Variants in EGLN1 observed in about 807,000 individuals in gnomAD.
The protein encoded by EGLN1 is egl nine homolog 1.
EGLN1 carries 17 observed loss-of-function variants against 38.3 expected under a neutral mutation model. That is an observed-to-expected ratio of 0.44 (90% CI 0.30 to 0.67). EGLN1 has a LOEUF of 0.67. Among genes scored for constraint, EGLN1 ranks in the 30% least tolerant of loss-of-function variants. The probability of loss-of-function intolerance (pLI) is 0.08; values close to 1 mark genes in which losing one functional copy is unlikely to be tolerated. For synonymous variants in EGLN1, 283 were observed against 257.5 expected, an observed-to-expected ratio of 1.10 and a Z score of -0.95; for missense variants, 477 against 603.3, an observed-to-expected ratio of 0.79 and a Z score of 2.19.
At chr1:231,380,476 T>A (rs1440032994) in intron 1 of EGLN1, among the ~76,000 whole-genome samples, 1 of 140,218 alleles carries the variant, frequency 7.1e-6, no homozygotes, top group Non-Finnish European at 1.6e-5. Flanking sequence ...ATATATATAT[T>A]TTAAAAAGAC....
intron 1 of EGLN1, among the ~76,000 whole-genome samples, chr1:231,409,262 A>C (rs2102934636): frequency 6.6e-6 from 1 of 151,858 alleles, no homozygotes; most frequent in African/African-American, 2.4e-5. Context: ...AAAAACAAAA[A>C]AAAACCTCTC....
intron 1 of EGLN1, among the ~76,000 whole-genome samples, chr1:231,408,427 G>T (rs1281032184): frequency 1.3e-5 from 2 of 152,166 alleles, no homozygotes; most frequent in South Asian, 4.1e-4. Flanking sequence ...CATTAAATGT[G>T]TAAGAATCAA....
At chr1:231,378,438 T>C (rs1289477742) in intron 1 of EGLN1, among the ~76,000 whole-genome samples, 1 of 152,152 alleles carries the variant, frequency 6.6e-6, no homozygotes, top group Non-Finnish European at 1.5e-5. Context: ...TTTTCTGATA[T>C]GAAAATATAT....
Position 231,370,726 on chromosome 1 carries a change from G to C in EGLN1, c.1012-28C>G, listed in dbSNP as rs773821769. 16 of 1,613,406 alleles carry C rather than the reference G, an allele frequency of 9.9e-6. 1 individual carries two copies. The highest frequency in any genetic ancestry group is 1.3e-5 in the Non-Finnish European group (15 of 1,179,682). On this transcript the variant is annotated intron_variant, in intron 2 of 4. Coordinates refer to ENST00000366641, the MANE Select transcript of EGLN1 (RefSeq NM_022051.3). The stretch of plus-strand genomic sequence containing the variant: ...AGGAAAAGAGCCAAATATGTAAGCA[G>C]GAGTAACCAAAAATGCTACAAGATT...
At chr1:231,385,422 T>C (rs1206607040) in intron 1 of EGLN1, among the ~76,000 whole-genome samples, 1 of 152,162 alleles carries the variant, frequency 6.6e-6, no homozygotes, top group Non-Finnish European at 1.5e-5. Context: ...GGAAGGACTA[T>C]CTGAAAAATG....
At chr1:231,412,865 T>C (rs1688989016) in intron 1 of EGLN1, among the ~76,000 whole-genome samples, 1 of 152,170 alleles carries the variant, frequency 6.6e-6, no homozygotes, top group Admixed American at 6.5e-5. Flanking sequence ...AATAATTTCC[T>C]TCCAATCGCT....
chr1:231,407,939 G>A (rs924699497), intron 1 of EGLN1, among the ~76,000 whole-genome samples: 7 of 152,016 alleles, frequency 4.6e-5, no homozygotes, highest in African/African-American at 1.4e-4. Flanking sequence ...TTTAGAAATC[G>A]GATGGAAAGG....
intron 1 of EGLN1, among the ~76,000 whole-genome samples, chr1:231,393,383 T>G (rs1388154277): frequency 2.6e-5 from 4 of 152,186 alleles, no homozygotes; most frequent in Non-Finnish European, 5.9e-5. Flanking sequence ...TAAAATATAG[T>G]AGAGCTTAGA....
chr1:231,395,171 C>T (rs913237823), intron 1 of EGLN1, among the ~76,000 whole-genome samples: 1 of 152,184 alleles, frequency 6.6e-6, no homozygotes, highest in African/African-American at 2.4e-5. Context: ...CTCCCTCCCC[C>T]AACATACAAC....
chr1:231,403,743 G>A (rs912354666), intron 1 of EGLN1, among the ~76,000 whole-genome samples: 2 of 132,942 alleles, frequency 1.5e-5, no homozygotes, highest in African/African-American at 6.0e-5. Flanking sequence ...ACTCCAGCAT[G>A]GTCAACAGAG....
At chr1:231,411,037 A>C (rs991344656) in intron 1 of EGLN1, among the ~76,000 whole-genome samples, 1 of 152,182 alleles carries the variant, frequency 6.6e-6, no homozygotes, top group African/African-American at 2.4e-5. Context: ...CCATTTATAG[A>C]GGAAAATTGG....
At chr1:231,372,730 G>C (rs1687859263) in intron 2 of EGLN1, among the ~76,000 whole-genome samples, 2 of 152,182 alleles carry the variant, frequency 1.3e-5, no homozygotes. Context: ...GACTAGGGCA[G>C]AGAAAACTCT....
At position 231,364,968 on chromosome 1, in the gene EGLN1, AGT is replaced by A. The variant is rs1401648982; in HGVS notation, c.*1441_*1442del. 1.3e-5 allele frequency: 2 copies of A among 152,210 alleles called. No individual in the cohort carries two copies. The highest frequency in any genetic ancestry group is 4.8e-5 in the African/African-American group (2 of 41,444). The allele number at this position is 152,210 out of a possible 1,614,324, so 9.4% of individuals were successfully genotyped here. On this transcript the variant is annotated 3_prime_UTR_variant, in exon 5 of 5. Transcript: ENST00000366641. ...TCTAATATTCCTTCCTTGTTTAAAA[AGT>A]AAATAAGAAAACCCATGAAACAAAA...
chr1:231,382,659 TTC>T (rs1440336000), intron 1 of EGLN1, among the ~76,000 whole-genome samples: 1 of 152,166 alleles, frequency 6.6e-6, no homozygotes, highest in African/African-American at 2.4e-5. Flanking sequence ...CTCCTGCTGG[TTC>T]TGTTAGTTCC....
intron 1 of EGLN1, among the ~76,000 whole-genome samples, chr1:231,389,262 T>C (rs1688308303): frequency 2.0e-5 from 3 of 152,244 alleles, no homozygotes; most frequent in Admixed American, 1.3e-4. Context: ...TTTCACTTAA[T>C]CTTTACAATC....
intron 1 of EGLN1, among the ~76,000 whole-genome samples, chr1:231,387,260 C>T (rs1255527554): frequency 7.8e-6 from 1 of 127,626 alleles, no homozygotes; most frequent in African/African-American, 2.7e-5. Context: ...CACACACCCC[C>T]CTAATTAAAT....
At chr1:231,373,666 C>T (rs564106606) in intron 2 of EGLN1, among the ~76,000 whole-genome samples, 1 of 133,836 alleles carries the variant, frequency 7.5e-6, no homozygotes, top group East Asian at 2.2e-4. Flanking sequence ...CTTCCCCTAA[C>T]CTCGTGTGTG....
At chr1:231,375,652 G>A (rs1258310385) in intron 1 of EGLN1, among the ~76,000 whole-genome samples, 1 of 152,120 alleles carries the variant, frequency 6.6e-6, no homozygotes, top group African/African-American at 2.4e-5. Context: ...GACTTAACAA[G>A]TTCCTTCTTT....
chr1:231,391,325 A>G (rs1301686783), intron 1 of EGLN1, among the ~76,000 whole-genome samples: 1 of 152,138 alleles, frequency 6.6e-6, no homozygotes, highest in Non-Finnish European at 1.5e-5. Flanking sequence ...TCCATAAGGC[A>G]GTGCTTCTGA....
Sources: gnomAD v4.1 joint callset for allele counts (sites outside exome capture counted in the v4.1 genomes callset) on GRCh38, gnomAD v4.1.1 for gene constraint, MANE v1.5 for transcripts, NCBI Gene and HGNC (gene_info 2026-07-23, HGNC 2026-07-21) for gene names.